The following DIP2C variants were observed in gnomAD, a reference collection of about 807,000 sequenced individuals.
DIP2C encodes disco-interacting protein 2 homolog C.
In DIP2C, 33 loss-of-function variants were observed where a neutral mutation model predicts 192.4. The observed-to-expected ratio is 0.17, with a 90% confidence interval of 0.13 to 0.23. DIP2C has a LOEUF of 0.23. DIP2C is among the 10% of genes least tolerant of loss of function. The pLI, the probability that DIP2C is intolerant of heterozygous loss-of-function variation, is 1.00. For synonymous variants in DIP2C, 979 were observed against 864.1 expected, an observed-to-expected ratio of 1.13 and a Z score of -2.33; for missense variants, 1,537 against 2,110.1, an observed-to-expected ratio of 0.73 and a Z score of 5.32.
rs1379712187 is a variant in DIP2C, at chr10:275,376, C to T, written c.*1949G>A. ...AAGCATGTGGAGAAATATTCACACA[C>T]AGCAATGAGGTCAAACAATATTTCA... On this transcript the variant is annotated 3_prime_UTR_variant, in exon 37 of 37. Transcript: ENST00000280886. 2.6e-5 allele frequency: 4 copies of T among 151,740 alleles called. No homozygotes were observed. Among genetic ancestry groups the T allele is most frequent in the Middle Eastern group, 3.1e-3 (1 of 318 alleles). 9.4% of individuals were successfully genotyped at this position (151,740 alleles called of 1,614,324 possible).
intron 24 of DIP2C, among the ~76,000 whole-genome samples, chr10:351,287 C>T (rs1183084810): frequency 1.3e-5 from 2 of 152,184 alleles, no homozygotes; most frequent in Non-Finnish European, 2.9e-5. Context: ...TGGCGGGGCA[C>T]GGTGAGTGGA....
At chr10:420,104 G>A (rs1229391770) in intron 5 of DIP2C, among the ~76,000 whole-genome samples, 1 of 152,234 alleles carries the variant, frequency 6.6e-6, no homozygotes, top group East Asian at 1.9e-4. Context: ...GCAACAGAAG[G>A]GCGGTACTTT....
At chr10:517,290 C>T (rs1441381394) in intron 1 of DIP2C, among the ~76,000 whole-genome samples, 1 of 152,216 alleles carries the variant, frequency 6.6e-6, no homozygotes, top group Non-Finnish European at 1.5e-5. Flanking sequence ...CAAAAGCACA[C>T]TTCCAGTTAA....
chr10:327,118 G>A lies in DIP2C; in HGVS notation c.3812C>T (p.Pro1271Leu). 6.2e-7 allele frequency: 1 copy of A among 1,614,118 alleles called. No homozygotes were observed. The highest frequency in any genetic ancestry group is 1.1e-5 in the South Asian group (1 of 91,088). ...GAACGACTGTGTGAGTGCGATCCGA[G>A]GCCTCTCTTCCGCCACAACCACGCA... is the stretch of plus-strand genomic sequence containing the variant. ...RTCVVVAEER[P>L]RIALTQSFSK... The change falls in exon 31 of 37, where the codon CCT becomes CTT. Residue 1271 changes from proline to leucine, a missense_variant. By Grantham distance (98) the Pro-to-Leu change is moderately conservative. This residue lies in a region of DIP2C where 341 missense variants were observed against 551.7 expected (regional missense o/e 0.62). Coordinates refer to ENST00000280886, the MANE Select transcript of DIP2C (RefSeq NM_014974.3).
intron 1 of DIP2C, among the ~76,000 whole-genome samples, chr10:645,316 G>T (rs1855391550): frequency 6.6e-6 from 1 of 152,104 alleles, no homozygotes; most frequent in Admixed American, 6.5e-5. Context: ...TATCAAAGTG[G>T]CACACGGCTG....
intron 1 of DIP2C, among the ~76,000 whole-genome samples, chr10:658,799 T>C (rs761215381): frequency 3.5e-4 from 53 of 152,222 alleles, no homozygotes; most frequent in South Asian, 1.2e-3. Context: ...AATATATATT[T>C]TATAGAGCAT....
intron 1 of DIP2C, among the ~76,000 whole-genome samples, chr10:615,625 A>AC (rs200286435): frequency 0.034 from 5,135 of 151,030 alleles, 278 homozygotes; most frequent in African/African-American, 0.12. Context: ...ACACACACAC[A>AC]CCCGCCCCAC....
intron 4 of DIP2C, among the ~76,000 whole-genome samples, chr10:435,822 TTTTAA>T (rs113385604): frequency 5.1e-4 from 78 of 152,328 alleles, no homozygotes; most frequent in African/African-American, 1.3e-3. Context: ...CTTTGACACA[TTTTAA>T]TTTGATTCCC....
At chr10:573,641 C>T (rs773928514) in intron 1 of DIP2C, among the ~76,000 whole-genome samples, 8 of 152,164 alleles carry the variant, frequency 5.3e-5, no homozygotes, top group Non-Finnish European at 1.2e-4. Flanking sequence ...AGCTCCCAGG[C>T]TCAAGCAATC....
intron 4 of DIP2C, among the ~76,000 whole-genome samples, chr10:437,361 C>A (rs759799587): frequency 4.7e-5 from 7 of 150,240 alleles, no homozygotes; most frequent in Non-Finnish European, 8.9e-5. Context: ...TCCACCCACA[C>A]CTGAGCTCTG....
chr10:630,238 T>C (rs1375466875), intron 1 of DIP2C: 1 of 152,232 alleles, frequency 6.6e-6, no homozygotes, highest in East Asian at 1.9e-4. Context: ...TCTGCTCTTT[T>C]GGTTTAAATA....
chr10:566,671 G>T (rs1433011008), intron 1 of DIP2C, among the ~76,000 whole-genome samples: 4 of 152,212 alleles, frequency 2.6e-5, no homozygotes, highest in African/African-American at 9.7e-5. Context: ...AGATTTCTTG[G>T]GTCTCTCGCC....
At chr10:660,178 CCT>C (rs1856666568) in intron 1 of DIP2C, among the ~76,000 whole-genome samples, 1 of 151,546 alleles carries the variant, frequency 6.6e-6, no homozygotes, top group Admixed American at 6.6e-5. Flanking sequence ...AGCCCTTGTC[CCT>C]GTTTCAAGCT....
intron 1 of DIP2C, among the ~76,000 whole-genome samples, chr10:655,634 T>C (rs528304899): frequency 1.3e-5 from 2 of 152,210 alleles, no homozygotes; most frequent in Non-Finnish European, 2.9e-5. Context: ...ATTAATACCA[T>C]GCTGTGTGTT....
intron 19 of DIP2C, among the ~76,000 whole-genome samples, 154 bp downstream of exon 19, chr10:366,121 G>A (rs925734435): frequency 2.4e-4 from 36 of 152,216 alleles, no homozygotes; most frequent in African/African-American, 4.8e-4. Flanking sequence ...TATCAAAAGC[G>A]ATAAAAAGTG....
intron 13 of DIP2C, among the ~76,000 whole-genome samples, chr10:389,626 G>A (rs1375297224): frequency 6.6e-6 from 1 of 152,214 alleles, no homozygotes; most frequent in African/African-American, 2.4e-5. Flanking sequence ...GCTGTGTGGA[G>A]AGCGCACCTT....
chr10:673,758 T>C (rs1180701860), intron 1 of DIP2C, among the ~76,000 whole-genome samples: 1 of 152,194 alleles, frequency 6.6e-6, no homozygotes, highest in African/African-American at 2.4e-5. Context: ...GAATCCTAAC[T>C]GTGTCAAACA....
In DIP2C at chr10:603,298, CAAAAAAAAAAAAAAAAAA is replaced by C. The variant is rs71376842; in HGVS notation, c.85+86178_85+86195del. ...TGGGTGACAGAATGAGACTCCATCT[CAAAAAAAAAAAAAAAAAA>C]AAAAAAAAAAAAAAAAACCAACCAT... is the stretch of plus-strand genomic sequence containing the variant. On this transcript the variant is annotated intron_variant, in intron 1 of 36. Transcript: ENST00000280886. Among the ~76,000 whole-genome samples, 165 of 45,896 alleles carry C rather than the reference CAAAAAAAAAAAAAAAAAA, an allele frequency of 3.6e-3. 1 individual carries two copies. Among genetic ancestry groups the C allele is most frequent in the African/African-American group, 0.016 (132 of 8,158 alleles). 30.1% of individuals were successfully genotyped at this position (45,896 alleles called of 152,430 possible). A position where few individuals can be genotyped will look rare whatever the true frequency, so the allele number is the denominator to read the frequency against.
intron 8 of DIP2C, among the ~76,000 whole-genome samples, chr10:412,684 G>A (rs1370614849): frequency 1.3e-5 from 2 of 152,146 alleles, no homozygotes; most frequent in East Asian, 3.9e-4. Context: ...GCCCCACCCT[G>A]AAAGGCTAGG....
Sources: allele counts gnomAD v4.1 joint callset (sites outside exome capture counted in the v4.1 genomes callset), GRCh38; gene constraint gnomAD v4.1.1; regional missense constraint gnomAD v4.1.1; transcripts MANE v1.5; gene names NCBI Gene and HGNC (gene_info 2026-07-23, HGNC 2026-07-21).